Variants in HTR1E observed in about 807,000 individuals in gnomAD.
The protein encoded by HTR1E is 5-HT-1E.
Under a neutral mutation model 3.4 loss-of-function variants are expected in HTR1E, and 3 were observed. That is an observed-to-expected ratio of 0.89 (90% CI 0.41 to 2.31). HTR1E has a LOEUF of 2.31. Among genes scored for constraint, HTR1E ranks in the 30% most tolerant of loss-of-function variants. The pLI, the probability that HTR1E is intolerant of heterozygous loss-of-function variation, is 0.05. For synonymous variants in HTR1E, 170 were observed against 182.8 expected, an observed-to-expected ratio of 0.93 and a Z score of 0.56; for missense variants, 392 against 467.0, an observed-to-expected ratio of 0.84 and a Z score of 1.48.
At chr6:86,967,043 C>A (rs755201283) in intron 1 of HTR1E, among the ~76,000 whole-genome samples, 1 of 152,028 alleles carries the variant, frequency 6.6e-6, no homozygotes, top group Non-Finnish European at 1.5e-5. Context: ...CCCCCATGTA[C>A]CCATGTGCCA....
intron 1 of HTR1E, among the ~76,000 whole-genome samples, chr6:86,941,035 G>T (rs1321184193): frequency 6.6e-6 from 1 of 152,216 alleles, no homozygotes; most frequent in African/African-American, 2.4e-5. Context: ...GATGAACAGG[G>T]AAGAGAAATG....
intron 1 of HTR1E, among the ~76,000 whole-genome samples, chr6:86,942,803 A>T (rs185858488): frequency 6.6e-6 from 1 of 152,348 alleles, no homozygotes; most frequent in East Asian, 1.9e-4. Flanking sequence ...GAGGCATTGG[A>T]GAACCAGACT....
intron 1 of HTR1E, among the ~76,000 whole-genome samples, chr6:87,009,295 T>C (rs1768165404): frequency 6.7e-6 from 1 of 150,216 alleles, no homozygotes; most frequent in South Asian, 2.1e-4. Context: ...AGCATCTGTT[T>C]AACAAAGCAC....
chr6:87,003,797 CA>C (rs1768060503), intron 1 of HTR1E, among the ~76,000 whole-genome samples: 1 of 151,436 alleles, frequency 6.6e-6, no homozygotes. Context: ...GAAATTGAAA[CA>C]AAAAATACAA....
At chr6:86,965,849 G>A (rs900678347) in intron 1 of HTR1E, among the ~76,000 whole-genome samples, 5 of 152,064 alleles carry the variant, frequency 3.3e-5, no homozygotes, top group East Asian at 1.9e-4. Context: ...CTGGGGACTC[G>A]GGGGAAAGGG....
chr6:86,964,200 T>G (rs1007126972), intron 1 of HTR1E, among the ~76,000 whole-genome samples: 1 of 152,216 alleles, frequency 6.6e-6, no homozygotes, highest in Non-Finnish European at 1.5e-5. Flanking sequence ...TATAGCCATT[T>G]GCATGACTGA....
At chr6:86,957,918 G>T (rs1211461546) in intron 1 of HTR1E, among the ~76,000 whole-genome samples, 1 of 152,126 alleles carries the variant, frequency 6.6e-6, no homozygotes, top group Non-Finnish European at 1.5e-5. Flanking sequence ...CAGAGAGGGG[G>T]CCTGTCACCT....
At chr6:86,950,338 C>A (rs1163346500) in intron 1 of HTR1E, among the ~76,000 whole-genome samples, 1 of 152,040 alleles carries the variant, frequency 6.6e-6, no homozygotes, top group Non-Finnish European at 1.5e-5. Flanking sequence ...AGTAGAGAAC[C>A]TTTGTGTAAG....
At chr6:86,991,944 C>G (rs1767874201) in intron 1 of HTR1E, among the ~76,000 whole-genome samples, 1 of 152,156 alleles carries the variant, frequency 6.6e-6, no homozygotes, top group South Asian at 2.1e-4. Context: ...ATTATCATCT[C>G]AAAAGTGGTG....
chr6:87,010,364 G>T (rs1391471656), intron 1 of HTR1E, among the ~76,000 whole-genome samples: 1 of 117,230 alleles, frequency 8.5e-6, no homozygotes, highest in Admixed American at 8.4e-5. Context: ...CGGGCGGGGG[G>T]CTGACCCCCC....
chr6:87,002,128 G>A (rs187685919), intron 1 of HTR1E, among the ~76,000 whole-genome samples: 118 of 152,270 alleles, frequency 7.7e-4, no homozygotes, highest in African/African-American at 2.4e-3. Context: ...TATTCCTTCC[G>A]GTAGGTTCTT....
chr6:87,014,199 T>C (rs1295098100), intron 1 of HTR1E, among the ~76,000 whole-genome samples: 1 of 151,442 alleles, frequency 6.6e-6, no homozygotes, highest in African/African-American at 2.4e-5. Flanking sequence ...ACACGGCACA[T>C]GTATACATAT....
At chr6:86,979,612 G>T (rs1175160766) in intron 1 of HTR1E, among the ~76,000 whole-genome samples, 4 of 152,150 alleles carry the variant, frequency 2.6e-5, no homozygotes, top group Non-Finnish European at 5.9e-5. Flanking sequence ...AGTCCCTGGA[G>T]ACTTTAAGAC....
chr6:86,938,007 A>G (rs1347607447), intron 1 of HTR1E, among the ~76,000 whole-genome samples, 184 bp downstream of exon 1: 5 of 152,248 alleles, frequency 3.3e-5, no homozygotes, highest in Admixed American at 3.3e-4. Context: ...ACCCTGGATT[A>G]TAGTACAGAG....
At chr6:86,981,818 G>A (rs991383602) in intron 1 of HTR1E, among the ~76,000 whole-genome samples, 1 of 152,214 alleles carries the variant, frequency 6.6e-6, no homozygotes, top group African/African-American at 2.4e-5. Context: ...CCTAGGAAGG[G>A]AAAGAGTCAG....
chr6:86,946,697 T>G (rs1298911164), intron 1 of HTR1E, among the ~76,000 whole-genome samples: 1 of 152,224 alleles, frequency 6.6e-6, no homozygotes, highest in Non-Finnish European at 1.5e-5. Context: ...AGTGTATGTA[T>G]CAAATCCAGC....
At chr6:86,999,749 C>T (rs1399347958) in intron 1 of HTR1E, among the ~76,000 whole-genome samples, 1 of 152,092 alleles carries the variant, frequency 6.6e-6, no homozygotes, top group Non-Finnish European at 1.5e-5. Flanking sequence ...AAATTTTTAC[C>T]TGAGGTAGCT....
chr6:87,010,186 G>A (rs1460127525), intron 1 of HTR1E, among the ~76,000 whole-genome samples: 49 of 107,394 alleles, frequency 4.6e-4, no homozygotes, highest in Middle Eastern at 8.9e-3. Flanking sequence ...CGGGCGGGGG[G>A]CCGACCCCCC....
chr6:87,007,744 G>A (rs1202268469), intron 1 of HTR1E, among the ~76,000 whole-genome samples: 1 of 152,124 alleles, frequency 6.6e-6, no homozygotes, highest in Non-Finnish European at 1.5e-5. Context: ...AAACCAGCCT[G>A]GGCAACACGG....
Sources: gnomAD v4.1 joint callset for allele counts (sites outside exome capture counted in the v4.1 genomes callset) on GRCh38, gnomAD v4.1.1 for gene constraint, MANE v1.5 for transcripts, NCBI Gene and HGNC (gene_info 2026-07-23, HGNC 2026-07-21) for gene names.